Variants in PHKB observed in about 807,000 individuals in gnomAD.
The protein encoded by PHKB is phosphorylase b kinase regulatory subunit beta.
A neutral mutation model predicts 152.1 loss-of-function variants in PHKB; 122 were observed. The ratio of observed to expected loss-of-function variants is 0.80; its 90% CI spans 0.69 to 0.93. PHKB has a LOEUF of 0.93. Ranked by LOEUF, PHKB falls within the 40% of genes least tolerant of loss-of-function variation. The probability of loss-of-function intolerance (pLI) is 0.00; values close to 1 mark genes in which losing one functional copy is unlikely to be tolerated. For missense variants in PHKB, 1,304 were observed against 1,328.4 expected, an observed-to-expected ratio of 0.98 and a Z score of 0.29; for synonymous variants, 436 against 464.9, an observed-to-expected ratio of 0.94 and a Z score of 0.80.
chr16:47,470,879 G>C (rs1969754686), intron 1 of PHKB, among the ~76,000 whole-genome samples: 1 of 152,156 alleles, frequency 6.6e-6, no homozygotes, highest in Admixed American at 6.5e-5. Context: ...ATAGCCTGAT[G>C]GAATTTATGC....
At chr16:47,684,338 TA>T (rs1973922124) in intron 26 of PHKB, among the ~76,000 whole-genome samples, 1 of 151,928 alleles carries the variant, frequency 6.6e-6, no homozygotes, top group Non-Finnish European at 1.5e-5. Context: ...AAAAATAAAA[TA>T]AAATTTCAGG....
intron 27 of PHKB, among the ~76,000 whole-genome samples, chr16:47,691,388 T>C (rs1974057164): frequency 6.6e-6 from 1 of 152,176 alleles, no homozygotes; most frequent in African/African-American, 2.4e-5. Flanking sequence ...CCTGGTTTTA[T>C]ACTATAGTTA....
chr16:47,689,113 G>A lies in PHKB; in HGVS notation c.2703G>A (p.Gln901=), dbSNP rs778800440. The A allele has an allele frequency of 1.2e-6, 2 of 1,613,940 alleles. No homozygotes were observed. The highest frequency in any genetic ancestry group is 1.3e-5 in the African/African-American group (1 of 74,920). Residue 901 remains glutamine (Q), a synonymous_variant, in exon 27 of 31, where the codon CAG becomes CAA. Transcript: ENST00000323584. ...ACAAGCCAGCCTTGGACTTGTATCAGCTGTCACCTAGTGAAGTTAAACAGC... is the reference window on the plus strand; with the variant it reads ...ACAAGCCAGCCTTGGACTTGTATCAACTGTCACCTAGTGAAGTTAAACAGC... The part of the protein sequence containing the change: ...GGDKPALDLY[Q]LSPSEVKQLL...
intron 3 of PHKB, among the ~76,000 whole-genome samples, 167 bp downstream of exon 3, chr16:47,500,061 T>A (rs1253569665): frequency 1.3e-5 from 2 of 151,938 alleles, no homozygotes; most frequent in Non-Finnish European, 2.9e-5. Context: ...TTTCTTTTTT[T>A]TTTTGAGATG....
At chr16:47,462,708 T>C (rs889778810) in intron 1 of PHKB, 1 of 151,504 alleles carries the variant, frequency 6.6e-6, no homozygotes, top group African/African-American at 2.4e-5. Context: ...ATGAAGTTCT[T>C]AGTTGTCTGT....
Position 47,497,456 on chromosome 16 carries a change from T to A in PHKB, c.134T>A (p.Leu45His), listed in dbSNP as rs762053276. The A allele has an allele frequency of 2.4e-5, 39 of 1,609,454 alleles. 1 individual carries two copies. In the Middle Eastern group the frequency reaches 6.6e-4, roughly 27 times the overall value. ...CTTCCAAGACCTGATAATGAAACTC[T>A]CTGGGATAAGTTGGACCATTATTAC... is the stretch of plus-strand genomic sequence containing the variant. ...INLPRPDNET[L>H]WDKLDHYYRI... The change falls in exon 2 of 31, where the codon CTC (leucine) becomes CAC (histidine). Residue 45 changes from leucine (L) to histidine (H), a missense_variant. By Grantham distance (99) the Leu-to-His change is moderately conservative (BLOSUM62 -3). Coordinates refer to ENST00000323584, the MANE Select transcript of PHKB (RefSeq NM_000293.3).
chr16:47,701,225 A>G lies in PHKB; in HGVS notation c.*1859A>G, dbSNP rs565022769. 1 of 152,350 alleles carries G rather than the reference A, an allele frequency of 6.6e-6. No individual in the cohort carries two copies. Among genetic ancestry groups the G allele is most frequent in the African/African-American group, 2.4e-5 (1 of 41,588 alleles). The allele number at this position is 152,350 out of a possible 1,614,324, so 9.4% of individuals were successfully genotyped here. A position where few individuals can be genotyped will look rare whatever the true frequency, so the allele number is the denominator to read the frequency against. On this transcript the variant is annotated 3_prime_UTR_variant, in exon 31 of 31. Coordinates refer to ENST00000323584, the MANE Select transcript of PHKB (RefSeq NM_000293.3). ...AAAGACTTAAAATTTTTGTTTGCCG[A>G]AATTTTTACGAAAGTAAACTGTGTT...
At chr16:47,561,519 T>A (rs1173554294) in intron 7 of PHKB, 1 of 152,250 alleles carries the variant, frequency 6.6e-6, no homozygotes, top group African/African-American at 2.4e-5. Context: ...CACACTGGAC[T>A]TTTTGTGAAT....
At chr16:47,532,618 C>T (rs1329276911) in intron 6 of PHKB, among the ~76,000 whole-genome samples, 2 of 152,246 alleles carry the variant, frequency 1.3e-5, no homozygotes, top group African/African-American at 2.4e-5. Flanking sequence ...TGCCAGCTCT[C>T]TGTGAGGCTG....
chr16:47,654,502 CAT>C, intron 20 of PHKB, among the ~76,000 whole-genome samples: 1 of 152,230 alleles, frequency 6.6e-6, no homozygotes, highest in Non-Finnish European at 1.5e-5. Flanking sequence ...CACATGCACA[CAT>C]ATGTTTATTG....
Position 47,700,351 on chromosome 16 carries a change from AAAAAAAAAAAAAAAAGAAAAAG to A in PHKB, c.*993_*1014del, listed in dbSNP as rs1974226794. On this transcript the variant is annotated 3_prime_UTR_variant, in exon 31 of 31. Coordinates refer to ENST00000323584, the MANE Select transcript of PHKB (RefSeq NM_000293.3). ...GTGACAGAGCGAGACTCCATCTCAA[AAAAAAAAAAAAAAAAGAAAAAG>A]AAAAAAATATGTTAAATTTAAGGAC... The A allele has an allele frequency of 6.7e-6, 1 of 149,978 alleles. No individual in the cohort carries two copies. Among genetic ancestry groups the A allele is most frequent in the Admixed American group, 6.7e-5 (1 of 15,024 alleles). The allele number at this position is 149,978 out of a possible 1,614,324, so 9.3% of individuals were successfully genotyped here. A position where few individuals can be genotyped will look rare whatever the true frequency, so the allele number is the denominator to read the frequency against.
intron 6 of PHKB, among the ~76,000 whole-genome samples, chr16:47,540,726 T>C (rs541945886): frequency 6.6e-6 from 1 of 152,204 alleles, no homozygotes; most frequent in Non-Finnish European, 1.5e-5. Context: ...TCACACGTAT[T>C]TCAGTATATT....
intron 14 of PHKB, among the ~76,000 whole-genome samples, chr16:47,626,138 C>T (rs1225371546): frequency 6.6e-6 from 1 of 152,218 alleles, no homozygotes; most frequent in Non-Finnish European, 1.5e-5. Flanking sequence ...CTGTTAAATT[C>T]TCTCATTGAT....
chr16:47,534,664 T>G (rs1970920384), intron 6 of PHKB, among the ~76,000 whole-genome samples: 1 of 152,162 alleles, frequency 6.6e-6, no homozygotes, highest in African/African-American at 2.4e-5. Context: ...CTCAAGATAT[T>G]TATTAACTAC....
chr16:47,473,729 A>T (rs1969821255), intron 1 of PHKB, among the ~76,000 whole-genome samples: 1 of 152,188 alleles, frequency 6.6e-6, no homozygotes, highest in African/African-American at 2.4e-5. Context: ...GAATTTTTTT[A>T]AAGTTATTTT....
Position 47,580,360 on chromosome 16 carries a change from TA to T in PHKB, c.774+8del. The stretch of plus-strand genomic sequence containing the variant: ...GGATTCAACCTTTTTGGCAACCAGG[TA>T]AAAAATAAGACCCCCAGAATCTTTG... On this transcript the variant is annotated splice_donor_region_variant and intron_variant, in intron 8 of 30. Transcript: ENST00000323584. The T allele has an allele frequency of 6.2e-7, 1 of 1,604,504 alleles. No homozygotes were observed. The highest frequency in any genetic ancestry group is 8.5e-7 in the Non-Finnish European group (1 of 1,171,506).
chr16:47,598,346 T>C lies in PHKB; in HGVS notation c.1363+1815T>C, dbSNP rs1972159781. 3.3e-5 allele frequency among the ~76,000 whole-genome samples: 5 copies of C among 152,220 alleles called. No homozygotes were observed. The South Asian group carries it at 1.0e-3, about 31-fold the overall frequency. On this transcript the variant is annotated intron_variant, in intron 13 of 30. Transcript: ENST00000323584. ...GTATTGAACATACTACTAAAGAAAC[T>C]TTACTTTTTGATTATGGTCTCTGCA...
intron 14 of PHKB, among the ~76,000 whole-genome samples, chr16:47,616,758 C>T (rs867680905): frequency 3.3e-5 from 5 of 151,378 alleles, no homozygotes; most frequent in Non-Finnish European, 5.9e-5. Context: ...TAAAGACACA[C>T]GCACAGAAAT....
chr16:47,635,913 G>A (rs554269763), intron 14 of PHKB, among the ~76,000 whole-genome samples: 2 of 152,322 alleles, frequency 1.3e-5, no homozygotes, highest in South Asian at 2.1e-4. Context: ...TAAAGTGTTC[G>A]CTGTTGTTGC....
Sources: allele counts gnomAD v4.1 joint callset (sites outside exome capture counted in the v4.1 genomes callset), GRCh38; gene constraint gnomAD v4.1.1; transcripts MANE v1.5; gene names NCBI Gene and HGNC (gene_info 2026-07-23, HGNC 2026-07-21).